MAPKAPK3: variants seen among roughly 807,000 people sequenced by gnomAD.
MAPKAPK3 encodes MAP kinase-activated protein kinase 3.
In MAPKAPK3, 35 loss-of-function variants were observed where a neutral mutation model predicts 49.2. The ratio of observed to expected loss-of-function variants is 0.71; its 90% CI spans 0.54 to 0.94. MAPKAPK3 has a LOEUF of 0.94. Among genes scored for constraint, MAPKAPK3 ranks in the 40% least tolerant of loss-of-function variants. The pLI, the probability that MAPKAPK3 is intolerant of heterozygous loss-of-function variation, is 0.00. For missense variants in MAPKAPK3, 398 were observed against 493.1 expected (o/e 0.81, Z 1.83); for synonymous variants, 178 against 188.7 (o/e 0.94, Z 0.46).
rs1575992950 is a variant in MAPKAPK3, at chr3:50,617,498, T to C, written c.-52-16T>C. The C allele has an allele frequency of 3.9e-6, 3 of 773,256 alleles. No homozygotes were observed. In the East Asian group the frequency reaches 7.6e-5, roughly 20 times the overall value. 47.9% of individuals were successfully genotyped at this position (773,256 alleles called of 1,614,324 possible). On this transcript the variant is annotated splice_polypyrimidine_tract_variant and intron_variant, in intron 1 of 10. Coordinates refer to ENST00000621469, the MANE Select transcript of MAPKAPK3 (RefSeq NM_001243925.2). ...GGAAAAGTCTGGGCGGGACTCACTC[T>C]TCCCCTTTCCCCCAGGTGCCACTAG...
chr3:50,624,991 C>G (rs1240891902), intron 2 of MAPKAPK3, among the ~76,000 whole-genome samples: 1 of 152,168 alleles, frequency 6.6e-6, no homozygotes, highest in East Asian at 1.9e-4. Flanking sequence ...CTTGTGTGGT[C>G]CCAGATGAAA....
chr3:50,629,286 C>G (rs1576002901), intron 2 of MAPKAPK3, among the ~76,000 whole-genome samples: 1 of 152,076 alleles, frequency 6.6e-6, no homozygotes, highest in African/African-American at 2.4e-5. Flanking sequence ...CCCCAGGTCC[C>G]CAAGGCTGCA....
In MAPKAPK3 at chr3:50,641,778, G is replaced by A; in HGVS notation, c.424+7G>A. The A allele has an allele frequency of 6.2e-7, 1 of 1,613,398 alleles. No individual in the cohort carries two copies. ...CAGGCTTTCACTGAGAGAGGTATGT[G>A]CATGTAGCTGGACCAGCAGGAGGAT... On this transcript the variant is annotated splice_region_variant and intron_variant, in intron 4 of 10. Transcript: ENST00000621469.
intron 2 of MAPKAPK3, 94 bp from the exon 3 acceptor site, chr3:50,640,272 G>A: frequency 5.7e-6 from 7 of 1,219,286 alleles, no homozygotes; most frequent in Non-Finnish European, 7.0e-6. Context: ...GTGACCTGGG[G>A]CAGGTCACAG....
chr3:50,627,684 G>C (rs943343442), intron 2 of MAPKAPK3, among the ~76,000 whole-genome samples: 2 of 152,112 alleles, frequency 1.3e-5, no homozygotes, highest in Non-Finnish European at 2.9e-5. Context: ...CCACCACCCT[G>C]GTCCCCTAGA....
intron 2 of MAPKAPK3, among the ~76,000 whole-genome samples, chr3:50,637,692 A>AG: frequency 3.3e-5 from 1 of 29,858 alleles, no homozygotes; most frequent in African/African-American, 6.7e-5. Flanking sequence ...CCAGAGAGAG[A>AG]AAGAGAGAGA....
intron 2 of MAPKAPK3, among the ~76,000 whole-genome samples, chr3:50,627,782 G>A (rs995528312): frequency 5.3e-5 from 8 of 152,158 alleles, no homozygotes; most frequent in East Asian, 1.9e-4. Flanking sequence ...GCTGGGTGTC[G>A]GTGCCTTGGG....
Position 50,647,816 on chromosome 3 carries a change from T to A in MAPKAPK3, c.997-78T>A, listed in dbSNP as rs954199382. On this transcript the variant is annotated intron_variant, in intron 10 of 10. Coordinates refer to ENST00000621469, the MANE Select transcript of MAPKAPK3 (RefSeq NM_001243925.2). ...CAGGCTGTCACTGACATTAAGGGGC[T>A]GCCCAGGCAGGGGGGTGATGGTTCC... 3 of 1,419,264 alleles carry A rather than the reference T, an allele frequency of 2.1e-6. No individual in the cohort carries two copies. The African/African-American group carries it at 4.3e-5, about 20-fold the overall frequency. The allele number at this position is 1,419,264 out of a possible 1,614,324, so 87.9% of individuals were successfully genotyped here. A position where few individuals can be genotyped will look rare whatever the true frequency, so the allele number is the denominator to read the frequency against.
chr3:50,642,353 T>C, intron 5 of MAPKAPK3, 21 bp downstream of exon 5: 2 of 1,599,260 alleles, frequency 1.3e-6, no homozygotes, highest in Non-Finnish European at 1.7e-6. Flanking sequence ...AGGATTCAGG[T>C]TGGGGGCCCG....
chr3:50,640,537 T>A, intron 3 of MAPKAPK3, 32 bp downstream of exon 3: 1 of 1,573,588 alleles, frequency 6.4e-7, no homozygotes, highest in Non-Finnish European at 8.7e-7. Context: ...CCACACCCCC[T>A]CGGCATCCCT....
intron 2 of MAPKAPK3, among the ~76,000 whole-genome samples, chr3:50,627,318 GC>G (rs1411179613): frequency 1.3e-5 from 2 of 152,044 alleles, no homozygotes; most frequent in African/African-American, 4.8e-5. Flanking sequence ...GTGGGGGCCT[GC>G]CTTGCCCACT....
At chr3:50,637,398 C>T (rs1221332379) in intron 2 of MAPKAPK3, among the ~76,000 whole-genome samples, 1 of 151,812 alleles carries the variant, frequency 6.6e-6, no homozygotes, top group Non-Finnish European at 1.5e-5. Flanking sequence ...GTAATCCCAG[C>T]ACTTTGGGTG....
At chr3:50,623,030 A>G (rs1470185790) in intron 2 of MAPKAPK3, among the ~76,000 whole-genome samples, 2 of 152,282 alleles carry the variant, frequency 1.3e-5, no homozygotes, top group East Asian at 3.9e-4. Context: ...GCTGGATTTG[A>G]AGCCAGGTGA....
At chr3:50,641,271 G>T (rs1005814639) in intron 3 of MAPKAPK3, among the ~76,000 whole-genome samples, 2 of 152,190 alleles carry the variant, frequency 1.3e-5, no homozygotes, top group African/African-American at 2.4e-5. Context: ...GAAAGAACCA[G>T]CCCAGGATCA....
chr3:50,645,866 AC>A (rs774535098), intron 7 of MAPKAPK3, 81 bp downstream of exon 7: 2 of 1,037,018 alleles, frequency 1.9e-6, no homozygotes, highest in Non-Finnish European at 2.7e-6. Context: ...CTGTCCCCCC[AC>A]CCCCATGTCC....
chr3:50,617,845 G>A lies in MAPKAPK3; in HGVS notation c.219+61G>A, dbSNP rs139809548. On this transcript the variant is annotated intron_variant, in intron 2 of 10. Coordinates refer to ENST00000621469, the MANE Select transcript of MAPKAPK3 (RefSeq NM_001243925.2). ...GAGGGTCCACAGCGGAAGCCTGTGAGTGAAGCTATGTCTAGCGCCCCTGCT... is the reference window on the plus strand; with the variant it reads ...GAGGGTCCACAGCGGAAGCCTGTGAATGAAGCTATGTCTAGCGCCCCTGCT... The A allele has an allele frequency of 1.4e-3, 1,844 of 1,335,272 alleles. 5 individuals are homozygous for A. The highest frequency in any genetic ancestry group is 2.1e-3 in the Middle Eastern group (9 of 4,372). 82.7% of individuals were successfully genotyped at this position (1,335,272 alleles called of 1,614,324 possible).
rs2033305249 is a variant in MAPKAPK3, at chr3:50,646,606, C to T, written c.830-134C>T. The T allele has an allele frequency of 3.9e-6, 3 of 778,270 alleles. No individual in the cohort carries two copies. The Admixed American group carries it at 6.9e-5, about 18-fold the overall frequency. The allele number at this position is 778,270 out of a possible 1,614,324, so 48.2% of individuals were successfully genotyped here. A position where few individuals can be genotyped will look rare whatever the true frequency, so the allele number is the denominator to read the frequency against. On this transcript the variant is annotated intron_variant, in intron 8 of 10. Transcript: ENST00000621469. The stretch of plus-strand genomic sequence containing the variant: ...TTTCAAAACAAGAAATAGTTGTTAG[C>T]TCACTCTTTCTGTGGGTTGGGAATT...
intron 2 of MAPKAPK3, among the ~76,000 whole-genome samples, chr3:50,635,985 A>C (rs1215209612): frequency 1.4e-5 from 2 of 146,712 alleles, no homozygotes. Context: ...GGTGGCATGC[A>C]CCTGTGGTCC....
intron 2 of MAPKAPK3, among the ~76,000 whole-genome samples, chr3:50,620,780 C>T (rs62263011): frequency 0.048 from 7,335 of 152,308 alleles, 251 homozygotes; most frequent in Non-Finnish European, 0.075. Context: ...GCCCTCATTG[C>T]TGTCCTCTTG....
Sources: allele counts gnomAD v4.1 joint callset (sites outside exome capture counted in the v4.1 genomes callset), GRCh38; gene constraint gnomAD v4.1.1; transcripts MANE v1.5; gene names NCBI Gene and HGNC (gene_info 2026-07-23, HGNC 2026-07-21).